Variants in NME6 observed in about 807,000 individuals in gnomAD.
NME6 encodes nucleoside diphosphate kinase 6, mitochondrial.
Under a neutral mutation model 22.2 loss-of-function variants are expected in NME6, and 16 were observed. The observed-to-expected ratio is 0.72, with a 90% CI of 0.49 to 1.09. The LOEUF is 1.09. NME6 is among the 50% of genes least tolerant of loss of function. The pLI is 0.00. For synonymous variants in NME6, 58 were observed against 85.2 expected (o/e 0.68, Z 1.76); for missense variants, 229 against 239.0 (o/e 0.96, Z 0.28).
intron 2 of NME6, among the ~76,000 whole-genome samples, chr3:48,297,138 C>T (rs769220671): frequency 5.3e-5 from 8 of 152,210 alleles, no homozygotes; most frequent in Non-Finnish European, 1.2e-4. Flanking sequence ...CTCACTCCCT[C>T]CAAACCATCA....
At chr3:48,289,152 T>TAC, downstream of NME6, among the ~76,000 whole-genome samples, 3 of 151,744 alleles carry the variant, frequency 2.0e-5, no homozygotes, top group African/African-American at 7.3e-5. Flanking sequence ...GCAACCTCCG[T>TAC]CTCCTGGGTT....
In NME6 at chr3:48,293,961, G is replaced by GA. The variant is rs1313349999; in HGVS notation, c.*675dup. On this transcript the variant is annotated 3_prime_UTR_variant, in exon 6 of 6. Transcript: ENST00000442597. The stretch of plus-strand genomic sequence containing the variant: ...CTGAGAAGTCAGAATGATGAAGCCT[G>GA]AAAAGTTTCCCCTAAATGTGGCAGC... 1 of 152,210 alleles carries GA rather than the reference G, an allele frequency of 6.6e-6. No homozygotes were observed. Among genetic ancestry groups the GA allele is most frequent in the African/African-American group, 2.4e-5 (1 of 41,448 alleles). The allele number at this position is 152,210 out of a possible 1,614,324, so 9.4% of individuals were successfully genotyped here. A position where few individuals can be genotyped will look rare whatever the true frequency, so the allele number is the denominator to read the frequency against.
downstream of NME6, among the ~76,000 whole-genome samples, chr3:48,289,636 T>C (rs948862165): frequency 1.3e-5 from 2 of 152,188 alleles, no homozygotes; most frequent in African/African-American, 4.8e-5. Context: ...GCCCCACACC[T>C]AGTCTTCATC....
downstream of NME6, among the ~76,000 whole-genome samples, chr3:48,289,044 C>G (rs1395762538): frequency 6.6e-6 from 1 of 151,716 alleles, no homozygotes; most frequent in African/African-American, 2.4e-5. Flanking sequence ...TGGGGGTGAC[C>G]TGAAGAGATG....
intron 2 of NME6, among the ~76,000 whole-genome samples, chr3:48,297,103 G>GTT (rs2035200746): frequency 6.6e-6 from 1 of 152,190 alleles, no homozygotes; most frequent in Admixed American, 6.5e-5. Flanking sequence ...TAAAAGTCTT[G>GTT]TTAGTGGTCC....
chr3:48,298,188 A>C (rs960839085), intron 2 of NME6: 2 of 552,594 alleles, frequency 3.6e-6, no homozygotes, highest in Non-Finnish European at 6.5e-6. Flanking sequence ...GAAACTAACA[A>C]ATACACATTG....
At chr3:48,287,728 G>A (rs779841347), downstream of NME6, 1 of 152,344 alleles carries the variant, frequency 6.6e-6, no homozygotes, top group Middle Eastern at 3.4e-3. Flanking sequence ...AGGATCTTCT[G>A]CACAGATTGG....
downstream of NME6, chr3:48,291,235 TG>T: frequency 5.2e-6 from 2 of 386,968 alleles, no homozygotes. Flanking sequence ...GGAAGGGTAT[TG>T]GGGAACTTTT....
At position 48,292,521 on chromosome 3, in the gene NME6, T is replaced by A. The variant is rs1025142081; in HGVS notation, c.*2116A>T. Reference sequence around the variant, plus strand: ...TTTGTTGATACTTTGTGGGCTGAGATGTTGACAGATTTTGTTCCAGACTAT... The same window carrying A: ...TTTGTTGATACTTTGTGGGCTGAGAAGTTGACAGATTTTGTTCCAGACTAT... On this transcript the variant is annotated 3_prime_UTR_variant, in exon 6 of 6. Transcript: ENST00000442597. 9 of 152,182 alleles carry A rather than the reference T, an allele frequency of 5.9e-5. No homozygotes were observed. The highest frequency in any genetic ancestry group is 5.2e-4 in the Admixed American group (8 of 15,282). The allele number at this position is 152,182 out of a possible 1,614,324, so 9.4% of individuals were successfully genotyped here.
At chr3:48,301,280 C>A in intron 1 of NME6, 73 bp downstream of exon 1, 2 of 1,597,932 alleles carry the variant, frequency 1.3e-6, no homozygotes, top group East Asian at 2.3e-5. Flanking sequence ...CCCTCGTACC[C>A]GGGGCCTAAG....
chr3:48,297,271 T>C (rs2035215983), intron 2 of NME6, among the ~76,000 whole-genome samples: 1 of 152,244 alleles, frequency 6.6e-6, no homozygotes, highest in Non-Finnish European at 1.5e-5. Context: ...GGTTATACTT[T>C]CCTTACTCTG....
intron 1 of NME6, chr3:48,298,970 T>A: frequency 1.4e-6 from 1 of 703,050 alleles, no homozygotes; most frequent in Non-Finnish European, 2.6e-6. Flanking sequence ...TCCTATCAAA[T>A]CTAGAATTGG....
At chr3:48,299,602 G>GTA (rs1051041088) in intron 1 of NME6, among the ~76,000 whole-genome samples, 16 of 151,900 alleles carry the variant, frequency 1.1e-4, no homozygotes, top group African/African-American at 3.9e-4. Context: ...ATATATGTGT[G>GTA]TATATATATA....
At chr3:48,288,865 G>A (rs879636404), downstream of NME6, among the ~76,000 whole-genome samples, 1 of 152,082 alleles carries the variant, frequency 6.6e-6, no homozygotes, top group Non-Finnish European at 1.5e-5. Flanking sequence ...GGAGAAACAG[G>A]AATGAGCCAG....
At position 48,296,739 on chromosome 3, in the gene NME6, G is replaced by T; in HGVS notation, c.181C>A (p.Arg61=). ...WRKEDCQRFY[R]EHEGRFFYQR... ...CTACTGATCCTACCTTCATGCTCTC[G>T]GTAAAACCTCTGGCAATCTTCCTTT... Residue 61 remains arginine, a synonymous_variant, in exon 3 of 6, where the codon CGA becomes AGA. Transcript: ENST00000442597. 1 of 1,612,242 alleles carries T rather than the reference G, an allele frequency of 6.2e-7. No homozygotes were observed. The highest frequency in any genetic ancestry group is 8.5e-7 in the Non-Finnish European group (1 of 1,178,974).
chr3:48,301,316 G>T, intron 1 of NME6, 37 bp downstream of exon 1: 1 of 1,591,950 alleles, frequency 6.3e-7, no homozygotes, highest in East Asian at 2.3e-5. Context: ...GGGTCATTCG[G>T]AGCCCCAGTG....
At chr3:48,298,642 C>A (rs2035380388) in intron 1 of NME6, 119 bp from the exon 2 acceptor site, 1 of 664,148 alleles carries the variant, frequency 1.5e-6, no homozygotes, top group African/African-American at 1.8e-5. Context: ...TCATAAAGAA[C>A]CTGACAGTTT....
downstream of NME6, among the ~76,000 whole-genome samples, chr3:48,289,125 C>T (rs572563763): frequency 1.3e-5 from 2 of 151,784 alleles, no homozygotes; most frequent in South Asian, 2.1e-4. Flanking sequence ...AGTGCAATGG[C>T]GTGATCTCAG....
In NME6 at chr3:48,298,512, G is replaced by T; in HGVS notation, c.5C>A (p.Ala2Asp). 1 of 1,603,550 alleles carries T rather than the reference G, an allele frequency of 6.2e-7. No homozygotes were observed. Among genetic ancestry groups the T allele is most frequent in the Non-Finnish European group, 8.5e-7 (1 of 1,175,154 alleles). M[A>D]SILRSPQALQ... ...AGCCTGAGGGCTTCGCAAGATTGAGGCCATCTCACTCCTGCCATTAGAGAG... is the reference window on the plus strand; with the variant it reads ...AGCCTGAGGGCTTCGCAAGATTGAGTCCATCTCACTCCTGCCATTAGAGAG... Residue 2 changes from alanine (A) to aspartate (D), a missense_variant, in exon 2 of 6, where the codon GCC (alanine) becomes GAC (aspartate). Physicochemically the swap from Ala to Asp is moderately radical, Grantham distance 126. Transcript: ENST00000442597.
Sources: gnomAD v4.1 joint callset for allele counts (sites outside exome capture counted in the v4.1 genomes callset) on GRCh38, gnomAD v4.1.1 for gene constraint, MANE v1.5 for transcripts, NCBI Gene and HGNC (gene_info 2026-07-23, HGNC 2026-07-21) for gene names.